The following HELZ2 variants were observed in gnomAD, a reference collection of about 807,000 sequenced individuals.
The protein encoded by HELZ2 is 3'-5' exoribonuclease HELZ2.
Under a neutral mutation model 208.8 loss-of-function variants are expected in HELZ2, and 143 were observed. The ratio of observed to expected loss-of-function variants is 0.68; its 90% confidence interval spans 0.60 to 0.79. The LOEUF (loss-of-function observed/expected upper bound fraction) is 0.79. Among genes scored for constraint, HELZ2 ranks in the 30% least tolerant of loss-of-function variants. The pLI is 0.00. For missense variants in HELZ2, 3,690 were observed against 3,794.5 expected (o/e 0.97, Z 0.72); for synonymous variants, 1,705 against 1,693.7 (o/e 1.01, Z -0.16).
exon 8 of HELZ2, chr20:63,562,840 G>A (rs138871202): frequency 8.3e-5 from 133 of 1,609,748 alleles, no homozygotes; most frequent in Middle Eastern, 5.0e-4. Flanking sequence ...AGTTCTCCTC[G>A]AGGAAGGCGG....
chr20:63,567,802 A>C, intron 5 of HELZ2, 175 bp from the exon 7 acceptor site: 1 of 1,411,086 alleles, frequency 7.1e-7, no homozygotes, highest in Non-Finnish European at 9.3e-7. Context: ...GCAAGAGGCC[A>C]CGGAGGGCTT....
intron 14 of HELZ2, 55 bp downstream of exon 15, chr20:63,561,027 G>C: frequency 6.3e-7 from 1 of 1,596,074 alleles, no homozygotes; most frequent in South Asian, 1.1e-5. Flanking sequence ...CACCCCAGGT[G>C]GGAGACTGTG....
At chr20:63,572,609 G>A, upstream of HELZ2, 1 of 534,628 alleles carries the variant, frequency 1.9e-6, no homozygotes, top group Non-Finnish European at 3.3e-6. Context: ...ACAGATGCAT[G>A]GGGGACAGCG....
chr20:63,563,751 G>A, exon 8 of HELZ2: 1 of 1,601,224 alleles, frequency 6.2e-7, no homozygotes, highest in East Asian at 2.2e-5. Context: ...CCATGGCCCA[G>A]CGCCAGCAGG....
At chr20:63,567,350 C>A in exon 6 of HELZ2, 5 of 1,604,280 alleles carry the variant, frequency 3.1e-6, no homozygotes, top group Non-Finnish European at 3.4e-6. Context: ...AGCATCTGGG[C>A]CGCCTCATCG....
exon 9 of HELZ2, chr20:63,562,342 G>A (rs778123222): frequency 6.3e-7 from 1 of 1,595,874 alleles, no homozygotes; most frequent in South Asian, 1.1e-5. Flanking sequence ...GTGACCAGCG[G>A]GGACGCCTCC....
chr20:63,568,377 T>G (rs757511469), exon 5 of HELZ2: 55 of 1,611,062 alleles, frequency 3.4e-5, no homozygotes, highest in Non-Finnish European at 4.5e-5. Flanking sequence ...TGTGTGCAGA[T>G]GAGCACCTTG....
Position 63,561,749 on chromosome 20 carries a change from A to T in HELZ2, c.6692-4T>A. On this transcript the variant is annotated splice_region_variant and splice_polypyrimidine_tract_variant and intron_variant, in intron 11 of 18. Transcript: ENST00000467148. ...TCCATCCTTCTCAGGAGCAGTCCTGAGGGTAGTTGGGGGACGTGAGTCCTG... is the reference window on the plus strand; with the variant it reads ...TCCATCCTTCTCAGGAGCAGTCCTGTGGGTAGTTGGGGGACGTGAGTCCTG... 6.3e-7 allele frequency: 1 copy of T among 1,589,830 alleles called. No individual in the cohort carries two copies. The highest frequency in any genetic ancestry group is 1.3e-5 in the African/African-American group (1 of 74,396).
chr20:63,565,054 G>C (rs1281593574), exon 8 of HELZ2: 1 of 1,562,608 alleles, frequency 6.4e-7, no homozygotes, highest in Non-Finnish European at 8.7e-7. Flanking sequence ...GGGCCTCGGC[G>C]GTGAGCCTCT....
rs1343769922 is a variant in HELZ2, at chr20:63,567,102, GA to G, written c.2255del (p.Phe752SerfsTer48). 1 of 1,612,088 alleles carries G rather than the reference GA, an allele frequency of 6.2e-7. No homozygotes were observed. Among genetic ancestry groups the G allele is most frequent in the Admixed American group, 1.7e-5 (1 of 60,034 alleles). On this transcript the variant is annotated frameshift_variant, in exon 6 of 19. Coordinates refer to ENST00000467148, the Ensembl canonical transcript of HELZ2. LOFTEE classifies it high-confidence loss of function. ...TGGCCACGTAGAAGTGCCGCGAGAT[GA>G]AGCTGACAATGGCGTCCGTGCAGCG...
chr20:63,563,887 C>T (rs374702022), exon 8 of HELZ2: 18 of 1,599,478 alleles, frequency 1.1e-5, no homozygotes, highest in Admixed American at 6.8e-5. Context: ...GGCCGAACGC[C>T]GAGCGCTCCA....
exon 8 of HELZ2, chr20:63,564,462 G>T: frequency 6.3e-7 from 1 of 1,576,312 alleles, no homozygotes; most frequent in East Asian, 2.3e-5. Flanking sequence ...GACAGCTGGC[G>T]GTCAGACTGG....
rs539953336 is a variant in HELZ2 at position 63,564,447 on chromosome 20, C to G, written c.4375G>C (p.Glu1459Gln). ...TGCCTGATCACCTCCTCCGCCTCCT[C>G]GTAGGACAGCTGGCGGTCAGACTGG... Residue 1459 changes from glutamate to glutamine, a missense_variant, in exon 8 of 19, where the codon GAG becomes CAG. Transcript: ENST00000467148. 1,506 of 1,565,546 alleles carry G rather than the reference C, an allele frequency of 9.6e-4. 17 individuals carry two copies. The South Asian group carries it at 0.015, about 16-fold the overall frequency.
chr20:63,566,619 G>A (rs914470), intron 6 of HELZ2, among the ~76,000 whole-genome samples, 166 bp from the exon 8 acceptor site: 15,246 of 60,854 alleles, frequency 0.25, 184 homozygotes, highest in Middle Eastern at 0.35. Flanking sequence ...TCGGGGATGA[G>A]CGCAGGACGC....
In HELZ2 at chr20:63,569,012, C is replaced by A; in HGVS notation, c.1089-13G>T. The A allele has an allele frequency of 6.2e-7, 1 of 1,600,500 alleles. No homozygotes were observed. The highest frequency in any genetic ancestry group is 8.5e-7 in the Non-Finnish European group (1 of 1,179,678). The stretch of plus-strand genomic sequence containing the variant: ...CCGCAGGGTCAGCCTGGCAGGATGG[C>A]CTGGGTCAGCTCATGGGGCCACAGC... On this transcript the variant is annotated splice_polypyrimidine_tract_variant and intron_variant, in intron 4 of 18. Coordinates refer to ENST00000467148, the Ensembl canonical transcript of HELZ2.
rs141346048 is a variant in HELZ2 at position 63,564,113 on chromosome 20, T to C, written c.4709A>G (p.His1570Arg). The C allele has an allele frequency of 9.7e-5, 156 of 1,610,808 alleles. No individual in the cohort carries two copies. In the African/African-American group the frequency reaches 1.9e-3, roughly 20 times the overall value. Residue 1570 changes from histidine to arginine, a missense_variant, in exon 8 of 19, where the codon CAT (histidine) becomes CGT (arginine). This residue lies in a region of HELZ2 where 2,564 missense variants were observed against 2,580.5 expected (regional missense o/e 0.99). Coordinates refer to ENST00000467148, the Ensembl canonical transcript of HELZ2. ...CAGTGACAGGGGCACCCGGTCCCCA[T>C]GCTTCTCACACAGGGCCTTGAGCTG...
Position 63,564,921 on chromosome 20 carries a change from C to T in HELZ2, c.3901G>A (p.Gly1301Ser), listed in dbSNP as rs576077055. ...GGCACCCTCAAGCTGTACTCCAGGC[C>T]GAGGATGCGGAGGCCCTGCTCCCAG... The change falls in exon 8 of 19, where the codon GGC (glycine) becomes AGC (serine). Residue 1301 changes from glycine to serine, a missense_variant. By Grantham distance (56) the Gly-to-Ser change is moderately conservative. This residue lies in a region of HELZ2 where 2,564 missense variants were observed against 2,580.5 expected (regional missense o/e 0.99). Coordinates refer to ENST00000467148, the Ensembl canonical transcript of HELZ2. The T allele has an allele frequency of 1.7e-5, 27 of 1,611,584 alleles. No individual in the cohort carries two copies. The highest frequency in any genetic ancestry group is 6.6e-5 in the South Asian group (6 of 91,046).
At chr20:63,567,510 G>A in exon 6 of HELZ2, 1 of 1,559,922 alleles carries the variant, frequency 6.4e-7, no homozygotes, top group Non-Finnish European at 8.7e-7. Flanking sequence ...ACTGCAGCGT[G>A]ACTGGGTCCG....
upstream of HELZ2, among the ~76,000 whole-genome samples, chr20:63,573,875 C>G (rs2083034931): frequency 6.6e-6 from 1 of 152,164 alleles, no homozygotes; most frequent in African/African-American, 2.4e-5. The surrounding 1 kb of genome is among the most constrained non-coding windows in gnomAD (Gnocchi z 4.9). Context: ...CCCGCGGACC[C>G]CTCTGAGAAA....
Sources: allele counts gnomAD v4.1 joint callset (sites outside exome capture counted in the v4.1 genomes callset), GRCh38; gene constraint gnomAD v4.1.1; regional missense constraint gnomAD v4.1.1; non-coding constraint Gnocchi (gnomAD v3.1); transcripts MANE v1.5; gene names NCBI Gene and HGNC (gene_info 2026-07-23, HGNC 2026-07-21).